The following CEP192 variants were observed in gnomAD, a reference collection of about 807,000 sequenced individuals.
CEP192 encodes centrosomal protein of 192 kDa.
Under a neutral mutation model 271.8 loss-of-function variants are expected in CEP192, and 151 were observed. The ratio of observed to expected loss-of-function variants is 0.56; its 90% confidence interval spans 0.49 to 0.64. The LOEUF is 0.64. Ranked by LOEUF, CEP192 falls within the 30% of genes least tolerant of loss-of-function variation. The probability of loss-of-function intolerance (pLI) is 0.00; values close to 1 mark genes in which losing one functional copy is unlikely to be tolerated. For missense variants in CEP192, 2,910 were observed against 3,020.5 expected (o/e 0.96, Z 0.86); for synonymous variants, 995 against 1,076.5 (o/e 0.92, Z 1.48).
chr18:13,070,029 T>C (rs2037928634), intron 27 of CEP192, among the ~76,000 whole-genome samples, 173 bp downstream of exon 27: 1 of 151,952 alleles, frequency 6.6e-6, no homozygotes. Flanking sequence ...GGCTTGGTGG[T>C]GTGCACCTGT....
rs752117506 is a variant in CEP192, at chr18:13,100,442, G to A, written c.6801G>A (p.Pro2267=). Residue 2267 remains proline, a synonymous_variant, in exon 38 of 45, where the codon CCG becomes CCA. Coordinates refer to ENST00000506447, the MANE Select transcript of CEP192 (RefSeq NM_032142.4). ...ATTTGGTCAAACCAATGACAAAACC[G>A]CCTTCCACAAAAGTTGAAATAAGAA... ...VSHLVKPMTK[P]PSTKVEIRNK... 1.5e-5 allele frequency: 24 copies of A among 1,613,846 alleles called. No individual in the cohort carries two copies. The South Asian group carries it at 1.9e-4, about 13-fold the overall frequency.
chr18:13,027,605 G>C (rs1407320213), intron 9 of CEP192, among the ~76,000 whole-genome samples: 1 of 152,034 alleles, frequency 6.6e-6, no homozygotes, highest in Non-Finnish European at 1.5e-5. Context: ...CTTCTCTTAG[G>C]GATCTAAGAA....
intron 41 of CEP192, 63 bp from the exon 42 acceptor site, chr18:13,114,067 A>T (rs2040324755): frequency 6.6e-7 from 1 of 1,525,290 alleles, no homozygotes; most frequent in East Asian, 2.3e-5. Flanking sequence ...TCAAATAAGT[A>T]AATGTCCATA....
At chr18:13,116,091 C>T (rs533974493) in intron 42 of CEP192, among the ~76,000 whole-genome samples, 5 of 152,084 alleles carry the variant, frequency 3.3e-5, no homozygotes, top group Admixed American at 6.6e-5. Context: ...CGGGGCCAAG[C>T]GAAATGAACT....
At chr18:13,036,114 C>T (rs915535821) in intron 11 of CEP192, among the ~76,000 whole-genome samples, 2 of 151,558 alleles carry the variant, frequency 1.3e-5, no homozygotes, top group African/African-American at 4.9e-5. Flanking sequence ...CCACTGCACC[C>T]CAGCCTGTGC....
At position 13,008,622 on chromosome 18, in the gene CEP192, C is replaced by T; in HGVS notation, c.457C>T (p.Gln153Ter). 1 of 1,548,222 alleles carries T rather than the reference C, an allele frequency of 6.5e-7. No homozygotes were observed. Among genetic ancestry groups the T allele is most frequent in the Admixed American group, 2.0e-5 (1 of 50,376 alleles). Residue 153 changes from glutamine to a stop codon, truncating the protein, a stop_gained, in exon 4 of 45, where the codon CAA becomes TAA. Transcript: ENST00000506447. LOFTEE classifies it high-confidence loss of function. ...CTTCAACAGGGCTTCACCACTGGAACAAGCACAAGGTACTGAACTATTTGA... is the reference window on the plus strand; with the variant it reads ...CTTCAACAGGGCTTCACCACTGGAATAAGCACAAGGTACTGAACTATTTGA... ...DLFNRASPLE[Q>*]AQDSPIDFHL...
At chr18:13,075,598 A>T (rs2038229611) in intron 30 of CEP192, among the ~76,000 whole-genome samples, 1 of 152,132 alleles carries the variant, frequency 6.6e-6, no homozygotes, top group African/African-American at 2.4e-5. Flanking sequence ...CCCTCACCAG[A>T]AACCGGCACC....
At chr18:13,069,065 T>C (rs772489110) in intron 25 of CEP192, 24 bp from the exon 26 acceptor site, 3 of 1,614,162 alleles carry the variant, frequency 1.9e-6, no homozygotes, top group South Asian at 1.1e-5. Flanking sequence ...TTCGTTGAAA[T>C]GTCTGTCTTG....
intron 19 of CEP192, 100 bp downstream of exon 19, chr18:13,056,798 C>T: frequency 9.9e-7 from 1 of 1,013,750 alleles, no homozygotes; most frequent in Non-Finnish European, 1.5e-6. Flanking sequence ...GCATTAATTC[C>T]TTGTAAGTTT....
In CEP192 at chr18:13,049,062, G is replaced by A; in HGVS notation, c.2271G>A (p.Lys757=). 1 of 1,613,870 alleles carries A rather than the reference G, an allele frequency of 6.2e-7. No homozygotes were observed. The highest frequency in any genetic ancestry group is 8.5e-7 in the Non-Finnish European group (1 of 1,179,860). The change falls in exon 16 of 45, where the codon AAG becomes AAA. Residue 757 remains lysine, a synonymous_variant. Coordinates refer to ENST00000506447, the MANE Select transcript of CEP192 (RefSeq NM_032142.4). ...DKTFQEDEKQ[K]DYSHVRHFLP... is the part of the protein sequence containing the mutation. ...CTTTTCAGGAAGATGAGAAACAAAA[G>A]GACTATTCTCATGTGCGTCATTTCT...
intron 30 of CEP192, among the ~76,000 whole-genome samples, chr18:13,074,617 G>A (rs977591297): frequency 2.0e-5 from 3 of 152,148 alleles, no homozygotes; most frequent in Non-Finnish European, 4.4e-5. Flanking sequence ...AAGACAAATC[G>A]GATCCTGGTG....
At chr18:12,995,132 G>A (rs2033140868) in intron 1 of CEP192, among the ~76,000 whole-genome samples, 1 of 145,178 alleles carries the variant, frequency 6.9e-6, no homozygotes, top group Non-Finnish European at 1.5e-5. Context: ...CGCGATCTCG[G>A]CTCCCTGCAA....
intron 11 of CEP192, among the ~76,000 whole-genome samples, chr18:13,032,684 G>T (rs773336024): frequency 1.4e-4 from 22 of 152,256 alleles, no homozygotes; most frequent in Admixed American, 9.8e-4. Context: ...TTCACCAAAA[G>T]ACATACTAAA....
intron 30 of CEP192, among the ~76,000 whole-genome samples, chr18:13,082,550 A>C (rs2038677243): frequency 1.3e-5 from 2 of 149,714 alleles, no homozygotes; most frequent in Non-Finnish European, 3.0e-5. Context: ...AATAGAGCAC[A>C]CTGATGGTTC....
At chr18:13,104,834 A>G in intron 39 of CEP192, 150 bp from the exon 40 acceptor site, 1 of 634,366 alleles carries the variant, frequency 1.6e-6, no homozygotes. Context: ...TCAGTCAGGT[A>G]GCACTCCCAT....
rs1259907574 is a variant in CEP192, at chr18:13,023,594, T to A, written c.1050+4388T>A. 2.6e-5 allele frequency among the ~76,000 whole-genome samples: 4 copies of A among 152,038 alleles called. 1 individual carries two copies. Among genetic ancestry groups the A allele is most frequent in the Non-Finnish European group, 4.4e-5 (3 of 67,996 alleles). On this transcript the variant is annotated intron_variant, in intron 9 of 44. Coordinates refer to ENST00000506447, the MANE Select transcript of CEP192 (RefSeq NM_032142.4). Reference sequence around the variant, plus strand: ...ATACCTGGGATCTCCTTGGTTATGATGTATAATTCTTTTTATATAATATTT... The same window carrying A: ...ATACCTGGGATCTCCTTGGTTATGAAGTATAATTCTTTTTATATAATATTT...
In CEP192 at chr18:13,049,175, G is replaced by A. The variant is rs879153755; in HGVS notation, c.2384G>A (p.Ser795Asn). ...AAAACAGAAGTTAGTAGATATGAAA[G>A]TGCATTGGAAAACTTTTCAAGGGCT... ...LKKTEVSRYE[S>N]ALENFSRASM... The change falls in exon 16 of 45, where the codon AGT becomes AAT. Residue 795 changes from serine (S) to asparagine (N), a missense_variant. Coordinates refer to ENST00000506447, the MANE Select transcript of CEP192 (RefSeq NM_032142.4). The A allele has an allele frequency of 2.5e-6, 4 of 1,613,872 alleles. No individual in the cohort carries two copies. The highest frequency in any genetic ancestry group is 2.2e-5 in the South Asian group (2 of 91,076).
At chr18:13,069,912 G>T in intron 27 of CEP192, 56 bp downstream of exon 27, 1 of 1,082,486 alleles carries the variant, frequency 9.2e-7, no homozygotes, top group Non-Finnish European at 1.4e-6. Flanking sequence ...TGTAATCCCA[G>T]CACTTTGGGA....
intron 16 of CEP192, 42 bp downstream of exon 16, chr18:13,049,723 G>A (rs2036673279): frequency 6.2e-7 from 1 of 1,603,984 alleles, no homozygotes; most frequent in African/African-American, 1.3e-5. Flanking sequence ...AAATTACAAA[G>A]TTTATTTTCT....
Sources: gnomAD v4.1 joint callset for allele counts (sites outside exome capture counted in the v4.1 genomes callset) on GRCh38, gnomAD v4.1.1 for gene constraint, MANE v1.5 for transcripts, NCBI Gene and HGNC (gene_info 2026-07-23, HGNC 2026-07-21) for gene names.